NALCN: variants seen among roughly 807,000 people sequenced by gnomAD.
NALCN encodes sodium leak channel NALCN.
Under a neutral mutation model 225.3 loss-of-function variants are expected in NALCN, and 111 were observed. The ratio of observed to expected loss-of-function variants is 0.49; its 90% confidence interval spans 0.42 to 0.58. The LOEUF is 0.58. Ranked by LOEUF, NALCN falls within the 20% of genes least tolerant of loss-of-function variation. NALCN has a pLI of 0.00. For synonymous variants in NALCN, 764 were observed against 769.0 expected, an observed-to-expected ratio of 0.99 and a Z score of 0.11; for missense variants, 1,378 against 2,202.4, an observed-to-expected ratio of 0.63 and a Z score of 7.49.
At chr13:101,160,202 C>T (rs567361741) in intron 15 of NALCN, among the ~76,000 whole-genome samples, 6 of 152,280 alleles carry the variant, frequency 3.9e-5, no homozygotes, top group South Asian at 2.1e-4. Context: ...GATCTGCCCG[C>T]CTTGGCCTCC....
chr13:101,156,312 T>G (rs1274881818), intron 15 of NALCN, among the ~76,000 whole-genome samples: 1 of 152,170 alleles, frequency 6.6e-6, no homozygotes. Flanking sequence ...GAGTGCCGAC[T>G]TGTTTTATTG....
chr13:101,189,297 T>C (rs2139996013), intron 14 of NALCN, among the ~76,000 whole-genome samples: 1 of 152,296 alleles, frequency 6.6e-6, no homozygotes, highest in Admixed American at 6.5e-5. Context: ...TGGAAATTAA[T>C]TCAGGAAGGG....
At chr13:101,328,906 T>G (rs868613386) in intron 7 of NALCN, among the ~76,000 whole-genome samples, 1 of 152,196 alleles carries the variant, frequency 6.6e-6, no homozygotes, top group Non-Finnish European at 1.5e-5. Context: ...TACTCACTAT[T>G]GTAGCTCTAC....
chr13:101,102,564 T>C (rs2034880925), intron 26 of NALCN, among the ~76,000 whole-genome samples: 1 of 152,224 alleles, frequency 6.6e-6, no homozygotes, highest in African/African-American at 2.4e-5. Flanking sequence ...TGTTGTTTTA[T>C]CTCTGACCTT....
intron 15 of NALCN, among the ~76,000 whole-genome samples, chr13:101,161,907 C>T (rs760938579): frequency 5.9e-5 from 9 of 151,984 alleles, no homozygotes; most frequent in Admixed American, 3.9e-4. Flanking sequence ...TGGTAAATGA[C>T]CTTACCGTGT....
At chr13:101,294,268 A>AGGGT (rs1167974077) in intron 7 of NALCN, among the ~76,000 whole-genome samples, 15 of 152,232 alleles carry the variant, frequency 9.9e-5, no homozygotes, top group South Asian at 2.1e-4. Context: ...ATGGCAGACG[A>AGGGT]GGGTGATTAT....
At chr13:101,072,088 A>G (rs184382958) in intron 37 of NALCN, among the ~76,000 whole-genome samples, 7 of 152,318 alleles carry the variant, frequency 4.6e-5, no homozygotes, top group African/African-American at 1.7e-4. Context: ...CTCAAAAAAA[A>G]CTACAAAAGA....
rs1364332808 is a variant in NALCN, at chr13:101,074,574, C to T, written c.4043G>A (p.Cys1348Tyr). The change falls in exon 36 of 44, where the codon TGT becomes TAT. Residue 1348 changes from cysteine to tyrosine, a missense_variant. By Grantham distance (194) the Cys-to-Tyr change is radical. Around this residue, in one of 19 missense-constraint regions of NALCN, gnomAD observed 76 missense variants for 118.7 expected, o/e 0.64. Transcript: ENST00000251127. Reference sequence around the variant, plus strand: ...TAAAACAACTCCAGCAAAAGCGTAACACAGCAGCAAGAGAAACATGCCTAC... The same window carrying T: ...TAAAACAACTCCAGCAAAAGCGTAATACAGCAGCAAGAGAAACATGCCTAC... ...IIVGMFLLLL[C>Y]YAFAGVVLFG... 1.2e-6 allele frequency: 2 copies of T among 1,613,746 alleles called. No individual in the cohort carries two copies. Among genetic ancestry groups the T allele is most frequent in the South Asian group, 1.1e-5 (1 of 91,012 alleles).
At chr13:101,108,611 A>G (rs1240452917) in intron 20 of NALCN, among the ~76,000 whole-genome samples, 2 of 152,184 alleles carry the variant, frequency 1.3e-5, no homozygotes, top group Admixed American at 6.6e-5. Flanking sequence ...GTAGGACTAC[A>G]GAAATGTGTT....
chr13:101,368,777 A>T (rs2046454458), intron 6 of NALCN: 1 of 154,864 alleles, frequency 6.5e-6, no homozygotes, highest in Admixed American at 6.5e-5. Flanking sequence ...AGGCTGAGGC[A>T]GGCAGATCTC....
At chr13:101,369,910 T>C (rs937731815) in intron 6 of NALCN, among the ~76,000 whole-genome samples, 2 of 152,240 alleles carry the variant, frequency 1.3e-5, no homozygotes, top group African/African-American at 2.4e-5. Context: ...GTATATGAAC[T>C]AATTCACTGC....
rs56693949 is a variant in NALCN, at chr13:101,112,195, C to CA, written c.2193-970dup. ...ATGTGTTGTTTTTAAAACCACAGTTCAAAAAAAAAAAAAAAGCACACAGTT... is the reference window on the plus strand; with the variant it reads ...ATGTGTTGTTTTTAAAACCACAGTTCAAAAAAAAAAAAAAAAGCACACAGTT... On this transcript the variant is annotated intron_variant, in intron 18 of 43. Coordinates refer to ENST00000251127, the MANE Select transcript of NALCN (RefSeq NM_052867.4). Among the ~76,000 whole-genome samples, 284 of 111,052 alleles carry CA rather than the reference C, an allele frequency of 2.6e-3. 1 individual carries two copies. Among genetic ancestry groups the CA allele is most frequent in the South Asian group, 0.013 (49 of 3,636 alleles). The allele number at this position is 111,052 out of a possible 152,430, so 72.9% of individuals were successfully genotyped here.
At chr13:101,149,905 CT>C (rs2037550211) in intron 15 of NALCN, among the ~76,000 whole-genome samples, 1 of 152,220 alleles carries the variant, frequency 6.6e-6, no homozygotes, top group Non-Finnish European at 1.5e-5. Context: ...GGATCCTCTC[CT>C]AGGTGCGTGC....
intron 7 of NALCN, among the ~76,000 whole-genome samples, chr13:101,324,360 T>G (rs536546829): frequency 1.3e-5 from 2 of 152,332 alleles, no homozygotes; most frequent in Admixed American, 1.3e-4. Flanking sequence ...ACTAAAACTT[T>G]GTAACACCAG....
At chr13:101,151,654 ATTT>A (rs1386996871) in intron 15 of NALCN, among the ~76,000 whole-genome samples, 1 of 152,164 alleles carries the variant, frequency 6.6e-6, no homozygotes, top group Non-Finnish European at 1.5e-5. Flanking sequence ...GGCTTTAGCT[ATTT>A]TTTCTGTATC....
rs771531599 is a variant in NALCN, at chr13:101,060,275, GTTTT to G, written c.4756-312_4756-309del. Among the ~76,000 whole-genome samples the G allele has an allele frequency of 5.0e-5, 4 of 79,854 alleles. No homozygotes were observed. The East Asian group carries it at 1.7e-3, about 35-fold the overall frequency. 52.4% of individuals were successfully genotyped at this position (79,854 alleles called of 152,430 possible). On this transcript the variant is annotated intron_variant, in intron 41 of 43. Coordinates refer to ENST00000251127, the MANE Select transcript of NALCN (RefSeq NM_052867.4). ...TTTCTTTTTGTTGTTGGTGTTTTCT[GTTTT>G]TTTTTTTTTTTTTTTAGATAGGATC... is the stretch of plus-strand genomic sequence containing the variant.
At chr13:101,200,240 C>T (rs1470253406) in intron 13 of NALCN, among the ~76,000 whole-genome samples, 1 of 152,072 alleles carries the variant, frequency 6.6e-6, no homozygotes, top group Non-Finnish European at 1.5e-5. Context: ...GCACTCCTTC[C>T]CAGCCAAGAA....
At chr13:101,405,400 C>T (rs1398334426) in intron 1 of NALCN, among the ~76,000 whole-genome samples, 1 of 152,206 alleles carries the variant, frequency 6.6e-6, no homozygotes, top group East Asian at 1.9e-4. Flanking sequence ...CATCCATCCA[C>T]CTGCCTCATG....
At chr13:101,157,109 A>G (rs376537109) in intron 15 of NALCN, among the ~76,000 whole-genome samples, 3 of 152,186 alleles carry the variant, frequency 2.0e-5, no homozygotes, top group African/African-American at 7.2e-5. Flanking sequence ...AAATTAGTAT[A>G]TTGTTAATAC....
Sources: gnomAD v4.1 joint callset for allele counts (sites outside exome capture counted in the v4.1 genomes callset) on GRCh38, gnomAD v4.1.1 for gene constraint, gnomAD v4.1.1 regional missense constraint, MANE v1.5 for transcripts, NCBI Gene and HGNC (gene_info 2026-07-23, HGNC 2026-07-21) for gene names.